The following KCNQ5 variants were observed in gnomAD, a reference collection of about 807,000 sequenced individuals.
The protein encoded by KCNQ5 is potassium voltage-gated channel subfamily KQT member 5.
A neutral mutation model predicts 98.2 loss-of-function variants in KCNQ5; 30 were observed. The observed-to-expected ratio is 0.31, with a 90% CI of 0.23 to 0.41. The LOEUF is 0.41. Ranked by LOEUF, KCNQ5 falls within the 10% of genes least tolerant of loss-of-function variation. The pLI is 1.00. For missense variants in KCNQ5, 835 were observed against 1,182.5 expected (o/e 0.71, Z 4.31); for synonymous variants, 458 against 449.4 (o/e 1.02, Z -0.24).
At chr6:72,729,165 G>A (rs1480526544) in intron 1 of KCNQ5, among the ~76,000 whole-genome samples, 6 of 152,244 alleles carry the variant, frequency 3.9e-5, no homozygotes, top group East Asian at 1.9e-4. Flanking sequence ...GACAAATGAG[G>A]TGTTTCCAGT....
At chr6:72,736,502 C>T (rs868378100) in intron 1 of KCNQ5, among the ~76,000 whole-genome samples, 63 of 120,992 alleles carry the variant, frequency 5.2e-4, no homozygotes, top group Middle Eastern at 4.2e-3. Context: ...AAAAAGATTT[C>T]TTTTTTTTTT....
chr6:73,177,778 C>T (rs544129323), intron 11 of KCNQ5, among the ~76,000 whole-genome samples: 4 of 152,242 alleles, frequency 2.6e-5, no homozygotes, highest in African/African-American at 7.2e-5. Context: ...CAGTAAAGGA[C>T]GCTGCTAAAG....
At chr6:72,990,469 G>A (rs1404322251) in intron 1 of KCNQ5, among the ~76,000 whole-genome samples, 274 of 10,752 alleles carry the variant, frequency 0.025, 9 homozygotes, top group African/African-American at 0.085. Context: ...GTCTGTTGTT[G>A]GTGTATAAGA....
chr6:72,622,067 G>T lies in KCNQ5; in HGVS notation c.-123G>T. ...CCTGCTTCCCCGCCCCCGGCTCAGAGGTCTCTGGCTGGCGGGCGCCCCGTC... is the reference window on the plus strand; with the variant it reads ...CCTGCTTCCCCGCCCCCGGCTCAGATGTCTCTGGCTGGCGGGCGCCCCGTC... On this transcript the variant is annotated 5_prime_UTR_variant, in exon 1 of 14. In the 5' UTR this introduces an upstream ATG that the reference lacks. Coordinates refer to ENST00000370398, the MANE Select transcript of KCNQ5 (RefSeq NM_019842.4). The surrounding 1 kb of genome is among the most constrained non-coding windows in gnomAD (Gnocchi z 6.0). The T allele has an allele frequency of 1.2e-6, 1 of 819,978 alleles. No homozygotes were observed. The allele number at this position is 819,978 out of a possible 1,614,324, so 50.8% of individuals were successfully genotyped here.
chr6:72,740,535 T>G (rs1435587559), intron 1 of KCNQ5, among the ~76,000 whole-genome samples: 1 of 152,082 alleles, frequency 6.6e-6, no homozygotes, highest in Non-Finnish European at 1.5e-5. Flanking sequence ...AAAGATTAAG[T>G]CCAAATAGCA....
chr6:73,001,963 T>A (rs535692634), intron 1 of KCNQ5, among the ~76,000 whole-genome samples: 2 of 150,036 alleles, frequency 1.3e-5, no homozygotes, highest in Admixed American at 1.3e-4. Context: ...CTACAAAAAA[T>A]TTTAAAAAAA....
chr6:72,658,200 C>T (rs1208047842), intron 1 of KCNQ5, among the ~76,000 whole-genome samples: 2 of 152,162 alleles, frequency 1.3e-5, no homozygotes, highest in African/African-American at 2.4e-5. Context: ...GTTTGTTCTA[C>T]AAATTAGATA....
Position 73,196,878 on chromosome 6 carries a change from A to G in KCNQ5, c.*1464A>G, listed in dbSNP as rs745934803. The G allele has an allele frequency of 2.6e-5, 4 of 152,172 alleles. No individual in the cohort carries two copies. The highest frequency in any genetic ancestry group is 5.9e-5 in the Non-Finnish European group (4 of 68,036). 9.4% of individuals were successfully genotyped at this position (152,172 alleles called of 1,614,324 possible). Reference sequence around the variant, plus strand: ...CAAGCAATGCTGACTGCTTGTTAGAAACCCATCTAGCTATCTTAGGTCACC... The same window carrying G: ...CAAGCAATGCTGACTGCTTGTTAGAGACCCATCTAGCTATCTTAGGTCACC... On this transcript the variant is annotated 3_prime_UTR_variant, in exon 14 of 14. Transcript: ENST00000370398.
chr6:72,734,721 G>A (rs186136745), intron 1 of KCNQ5, among the ~76,000 whole-genome samples: 12 of 152,194 alleles, frequency 7.9e-5, no homozygotes, highest in Non-Finnish European at 1.5e-4. Context: ...GGATGATGTT[G>A]CAATTTATAT....
chr6:73,194,430 T>TAAC (rs956675091), intron 13 of KCNQ5, 22 bp from the exon 14 acceptor site: 1 of 1,585,114 alleles, frequency 6.3e-7, no homozygotes, highest in African/African-American at 1.4e-5. Flanking sequence ...TACTCATGTG[T>TAAC]AACCATTTTC....
intron 1 of KCNQ5, among the ~76,000 whole-genome samples, chr6:72,754,845 T>C (rs1771879624): frequency 6.6e-6 from 1 of 152,172 alleles, no homozygotes; most frequent in African/African-American, 2.4e-5. Flanking sequence ...AAATTTTGTA[T>C]ATCTTTACTG....
chr6:72,627,000 G>A (rs2098918272), intron 1 of KCNQ5, among the ~76,000 whole-genome samples: 2 of 152,262 alleles, frequency 1.3e-5, no homozygotes, highest in Middle Eastern at 3.4e-3. Context: ...TAATGGGTTC[G>A]GATTTGAACA....
intron 1 of KCNQ5, among the ~76,000 whole-genome samples, chr6:72,763,128 T>A (rs987638699): frequency 3.3e-5 from 5 of 152,004 alleles, no homozygotes; most frequent in African/African-American, 1.2e-4. Context: ...AACATAAAAA[T>A]TCACTTTCAT....
At chr6:72,744,807 C>CTA (rs780933338) in intron 1 of KCNQ5, among the ~76,000 whole-genome samples, 4 of 147,872 alleles carry the variant, frequency 2.7e-5, no homozygotes, top group Non-Finnish European at 4.5e-5. Context: ...GAGACTCCGT[C>CTA]TAAAAAAAAA....
chr6:72,763,064 T>C (rs1648653882), intron 1 of KCNQ5, among the ~76,000 whole-genome samples: 1 of 152,074 alleles, frequency 6.6e-6, no homozygotes, highest in South Asian at 2.1e-4. Flanking sequence ...TGGTAGATTT[T>C]AGTTTACCTA....
At chr6:72,871,809 A>G (rs1778218029) in intron 1 of KCNQ5, among the ~76,000 whole-genome samples, 1 of 152,140 alleles carries the variant, frequency 6.6e-6, no homozygotes, top group Non-Finnish European at 1.5e-5. Context: ...GTATTAGTCC[A>G]AGGATACATC....
At chr6:72,945,504 G>A (rs937246687) in intron 1 of KCNQ5, among the ~76,000 whole-genome samples, 1 of 148,250 alleles carries the variant, frequency 6.7e-6, no homozygotes, top group African/African-American at 2.5e-5. Flanking sequence ...ACCCATGCTG[G>A]AGTGCAGTGG....
intron 1 of KCNQ5, among the ~76,000 whole-genome samples, chr6:72,832,623 T>C (rs994313360): frequency 2.0e-5 from 3 of 152,180 alleles, no homozygotes; most frequent in African/African-American, 7.2e-5. Context: ...AATTTGGTTA[T>C]CTCCTACAAG....
chr6:73,147,590 T>C (rs1336030010), intron 10 of KCNQ5, among the ~76,000 whole-genome samples: 1 of 152,150 alleles, frequency 6.6e-6, no homozygotes, highest in Non-Finnish European at 1.5e-5. Context: ...TCAGAAATAC[T>C]TCAGTTACTC....
Sources: gnomAD v4.1 joint callset for allele counts (sites outside exome capture counted in the v4.1 genomes callset) on GRCh38, gnomAD v4.1.1 for gene constraint, Gnocchi (gnomAD v3.1) non-coding constraint, MANE v1.5 for transcripts, NCBI Gene and HGNC (gene_info 2026-07-23, HGNC 2026-07-21) for gene names.